Variants in CEP43 observed in about 807,000 individuals in gnomAD.
The protein encoded by CEP43 is centrosomal protein 43, also known as FGFR1 oncogene partner.
CEP43 carries 36 observed loss-of-function variants against 52.6 expected under a neutral mutation model. The ratio of observed to expected loss-of-function variants is 0.68; its 90% CI spans 0.52 to 0.90. The LOEUF is 0.90. CEP43 is among the 40% of genes least tolerant of loss of function. The pLI is 0.00. For missense variants in CEP43, 506 were observed against 472.8 expected, an observed-to-expected ratio of 1.07 and a Z score of -0.65; for synonymous variants, 192 against 172.4, an observed-to-expected ratio of 1.11 and a Z score of -0.89.
intron 12 of CEP43, among the ~76,000 whole-genome samples, chr6:167,038,592 T>C (rs1423573663): frequency 6.6e-6 from 1 of 152,212 alleles, no homozygotes; most frequent in African/African-American, 2.4e-5. Context: ...GTTTCTTAGA[T>C]TAAATTGGAA....
chr6:167,027,862 T>A (rs1039044536), intron 10 of CEP43: 1 of 985,498 alleles, frequency 1.0e-6, no homozygotes. Flanking sequence ...TCCCCCCATT[T>A]GCAGAAGAAT....
intron 5 of CEP43, among the ~76,000 whole-genome samples, chr6:167,009,499 CAAAAAAAAAAAAAA>C (rs139374939): frequency 6.8e-5 from 3 of 44,150 alleles, no homozygotes; most frequent in Admixed American, 3.8e-4. Context: ...GACTCTGTCT[CAAAAAAAAAAAAAA>C]AAAAAAAAAA....
At chr6:167,038,616 G>A (rs143613264) in intron 12 of CEP43, among the ~76,000 whole-genome samples, 216 of 152,202 alleles carry the variant, frequency 1.4e-3, no homozygotes, top group African/African-American at 5.1e-3. Context: ...TGGCTAAGAT[G>A]TGTTTTATTT....
rs562641835 is a variant in CEP43, at chr6:167,009,665, C to CAA, written c.439-1129_439-1128dup. Among the ~76,000 whole-genome samples, 51 of 66,618 alleles carry CAA rather than the reference C, an allele frequency of 7.7e-4. 1 individual carries two copies. Among genetic ancestry groups the CAA allele is most frequent in the African/African-American group, 2.1e-3 (39 of 18,810 alleles). The allele number at this position is 66,618 out of a possible 152,430, so 43.7% of individuals were successfully genotyped here. On this transcript the variant is annotated intron_variant, in intron 5 of 12. Transcript: ENST00000366847. ...GGACAACAAGAATGAAACTCCGTCT[C>CAA]AAAAAAAAAAAAAAAAAAAAGTTAG... is the stretch of plus-strand genomic sequence containing the variant.
At chr6:167,017,500 T>C in intron 7 of CEP43, among the ~76,000 whole-genome samples, 1 of 152,188 alleles carries the variant, frequency 6.6e-6, no homozygotes, top group Non-Finnish European at 1.5e-5. Context: ...GAGGGACAAC[T>C]GTATTGCATG....
At chr6:167,010,277 G>A (rs563258646) in intron 5 of CEP43, among the ~76,000 whole-genome samples, 1 of 152,352 alleles carries the variant, frequency 6.6e-6, no homozygotes, top group African/African-American at 2.4e-5. Flanking sequence ...AGCAGACACA[G>A]ATGACTCCTG....
chr6:167,004,798 A>C (rs1290708725), intron 5 of CEP43, among the ~76,000 whole-genome samples: 1 of 152,182 alleles, frequency 6.6e-6, no homozygotes, highest in African/African-American at 2.4e-5. Context: ...TATTATTTTT[A>C]TTAAAACATC....
intron 6 of CEP43, among the ~76,000 whole-genome samples, chr6:167,012,062 T>C (rs1214482313): frequency 1.3e-5 from 2 of 152,198 alleles, no homozygotes; most frequent in Non-Finnish European, 2.9e-5. Flanking sequence ...TGAGGTCCCA[T>C]GTGGGTTTAT....
In CEP43 at chr6:167,022,494, A is replaced by G. The variant is rs150456618; in HGVS notation, c.665A>G (p.His222Arg). The change falls in exon 8 of 13, where the codon CAT (histidine) becomes CGT (arginine). Residue 222 changes from histidine to arginine, a missense_variant. Physicochemically the swap from His to Arg is conservative, Grantham distance 29. Coordinates refer to ENST00000366847, the MANE Select transcript of CEP43 (RefSeq NM_007045.4). ...KSKSSLHLLS[H>R]ETKIGSFLSN... ...AAAAGCAGCCTTCACTTACTGTCCC[A>G]TGAAACAAAAATTGGATCTTTTCTA... 2.5e-6 allele frequency: 4 copies of G among 1,614,038 alleles called. No individual in the cohort carries two copies. Among genetic ancestry groups the G allele is most frequent in the Non-Finnish European group, 2.5e-6 (3 of 1,180,014 alleles).
At chr6:167,012,452 T>G (rs761915018) in intron 6 of CEP43, among the ~76,000 whole-genome samples, 11 of 152,158 alleles carry the variant, frequency 7.2e-5, no homozygotes, top group Non-Finnish European at 1.5e-4. Flanking sequence ...TTTCTTTAAA[T>G]TAATTGCAAA....
At chr6:167,039,106 C>T (rs915985384) in intron 12 of CEP43, among the ~76,000 whole-genome samples, 3 of 152,050 alleles carry the variant, frequency 2.0e-5, no homozygotes, top group African/African-American at 7.2e-5. Context: ...CAGTTCCATC[C>T]AGGTTGCTGC....
rs1780701325 is a variant in CEP43 at position 167,041,823 on chromosome 6, T to G, written c.*1845T>G. On this transcript the variant is annotated 3_prime_UTR_variant, in exon 13 of 13. Transcript: ENST00000366847. The stretch of plus-strand genomic sequence containing the variant: ...TTTTTGTCAGCACTACATACATCTT[T>G]TTTTTGCGGGGGGCGGGGGGGACAG... 1.1e-6 allele frequency: 1 copy of G among 948,884 alleles called. No homozygotes were observed. The highest frequency in any genetic ancestry group is 5.0e-5 in the South Asian group (1 of 20,152). The allele number at this position is 948,884 out of a possible 1,614,324, so 58.8% of individuals were successfully genotyped here.
chr6:167,009,665 C>CAAACAA (rs1779940736), intron 5 of CEP43, among the ~76,000 whole-genome samples: 1 of 66,634 alleles, frequency 1.5e-5, no homozygotes, highest in African/African-American at 5.3e-5. Context: ...AACTCCGTCT[C>CAAACAA]AAAAAAAAAA....
intron 5 of CEP43, among the ~76,000 whole-genome samples, chr6:167,006,761 C>T (rs973235354): frequency 1.3e-5 from 2 of 152,190 alleles, no homozygotes; most frequent in African/African-American, 4.8e-5. Flanking sequence ...ATTACTGTTT[C>T]TTGTTATTGT....
intron 5 of CEP43, among the ~76,000 whole-genome samples, chr6:167,006,982 C>T (rs1459997304): frequency 6.6e-6 from 1 of 152,206 alleles, no homozygotes; most frequent in Non-Finnish European, 1.5e-5. Flanking sequence ...CCTTACTCCC[C>T]GCAAATAACC....
Position 167,048,285 on chromosome 6 carries a change from T to A in CEP43, c.*8307T>A, listed in dbSNP as rs758578302. Reference sequence around the variant, plus strand: ...GGCCTGTGCCTGTAGTCCTAGCTATTGAGGAAACTGATGCAGGAGGATCAT... The same window carrying A: ...GGCCTGTGCCTGTAGTCCTAGCTATAGAGGAAACTGATGCAGGAGGATCAT... On this transcript the variant is annotated 3_prime_UTR_variant, in exon 13 of 13. Coordinates refer to ENST00000366847, the MANE Select transcript of CEP43 (RefSeq NM_007045.4). 6.6e-6 allele frequency: 1 copy of A among 152,258 alleles called. No homozygotes were observed. The highest frequency in any genetic ancestry group is 1.5e-5 in the Non-Finnish European group (1 of 68,104). The allele number at this position is 152,258 out of a possible 1,614,324, so 9.4% of individuals were successfully genotyped here. A position where few individuals can be genotyped will look rare whatever the true frequency, so the allele number is the denominator to read the frequency against.
In CEP43 at chr6:167,041,451, C is replaced by T; in HGVS notation, c.*1473C>T. 9.4e-7 allele frequency: 1 copy of T among 1,060,120 alleles called. No individual in the cohort carries two copies. The highest frequency in any genetic ancestry group is 1.1e-6 in the Non-Finnish European group (1 of 876,044). The allele number at this position is 1,060,120 out of a possible 1,614,324, so 65.7% of individuals were successfully genotyped here. On this transcript the variant is annotated 3_prime_UTR_variant, in exon 13 of 13. Transcript: ENST00000366847. ...GCTATCTCAGTCTCCTTCAGCTCTT[C>T]ATGTCTTAGTAAACAGCACCACGTG...
chr6:167,005,530 A>C (rs1583268582), intron 5 of CEP43, among the ~76,000 whole-genome samples: 1 of 152,338 alleles, frequency 6.6e-6, no homozygotes, highest in Admixed American at 6.5e-5. Context: ...GGGCTTTCCG[A>C]GAAGTTGGAA....
intron 12 of CEP43, chr6:167,036,318 G>A: frequency 1.0e-6 from 1 of 985,418 alleles, no homozygotes; most frequent in Non-Finnish European, 1.2e-6. Flanking sequence ...TGATTCCAGA[G>A]CTTCACTGGA....
Sources: allele counts gnomAD v4.1 joint callset (sites outside exome capture counted in the v4.1 genomes callset), GRCh38; gene constraint gnomAD v4.1.1; transcripts MANE v1.5; gene names NCBI Gene and HGNC (gene_info 2026-07-23, HGNC 2026-07-21).